The following MTMR10 variants were observed in gnomAD, a reference collection of about 807,000 sequenced individuals.
The protein encoded by MTMR10 is myotubularin-related protein 10.
MTMR10 carries 56 observed loss-of-function variants against 88.1 expected under a neutral mutation model. That is an observed-to-expected ratio of 0.64 (90% confidence interval 0.51 to 0.79). The LOEUF is 0.79. Among genes scored for constraint, MTMR10 ranks in the 30% least tolerant of loss-of-function variants. The probability of loss-of-function intolerance (pLI) is 0.00; values close to 1 mark genes in which losing one functional copy is unlikely to be tolerated. For synonymous variants in MTMR10, 380 were observed against 340.9 expected, an observed-to-expected ratio of 1.11 and a Z score of -1.26; for missense variants, 883 against 924.7, an observed-to-expected ratio of 0.95 and a Z score of 0.58.
At position 30,942,981 on chromosome 15, in the gene MTMR10, T is replaced by C. The variant is rs1224358212; in HGVS notation, c.1640A>G (p.Lys547Arg). The change falls in exon 15 of 16, where the codon AAG (lysine) becomes AGG (arginine). Residue 547 changes from lysine (K) to arginine (R), a missense_variant. Around this residue, in one of 3 missense-constraint regions of MTMR10, gnomAD observed 343 missense variants for 323.2 expected, o/e 1.06. Transcript: ENST00000435680. ...VWDWSLQFTA[K>R]DRTLFHNPFY... is the part of the protein sequence containing the mutation. ...GGGGTTATGGAAAAGGGTGCGATCC[T>C]TTGCTGTAAACTGGAGAGACCAGTC... 5 of 1,554,872 alleles carry C rather than the reference T, an allele frequency of 3.2e-6. No homozygotes were observed. The highest frequency in any genetic ancestry group is 4.4e-6 in the Non-Finnish European group (5 of 1,148,070).
chr15:30,951,110 T>C (rs1257473968), intron 12 of MTMR10, among the ~76,000 whole-genome samples: 5 of 152,262 alleles, frequency 3.3e-5, no homozygotes, highest in Admixed American at 2.6e-4. Flanking sequence ...TTTTAGTCTA[T>C]TGAACTTTAT....
At position 30,940,265 on chromosome 15, in the gene MTMR10, A is replaced by G; in HGVS notation, c.*1205T>C. On this transcript the variant is annotated 3_prime_UTR_variant, in exon 16 of 16. Coordinates refer to ENST00000435680, the MANE Select transcript of MTMR10 (RefSeq NM_017762.3). ...AGTGGTAGGTAGGCTCTTGTCACACAGTTTGGAAATACTTTACTTTAGAGA... is the reference window on the plus strand; with the variant it reads ...AGTGGTAGGTAGGCTCTTGTCACACGGTTTGGAAATACTTTACTTTAGAGA... 3 of 973,846 alleles carry G rather than the reference A, an allele frequency of 3.1e-6. No individual in the cohort carries two copies. The highest frequency in any genetic ancestry group is 1.8e-5 in the African/African-American group (1 of 55,190). The allele number at this position is 973,846 out of a possible 1,614,324, so 60.3% of individuals were successfully genotyped here.
the MTMR10 span, chr15:30,920,494 TATA>T: frequency 1.7e-6 from 2 of 1,149,806 alleles, no homozygotes; most frequent in Non-Finnish European, 2.6e-6. Flanking sequence ...ATTATTGTCT[TATA>T]ATAAATTAAC....
intron 2 of MTMR10, among the ~76,000 whole-genome samples, chr15:30,984,221 G>C (rs143691050): frequency 6.6e-6 from 1 of 152,146 alleles, no homozygotes; most frequent in East Asian, 1.9e-4. Context: ...GTTCATGAAC[G>C]GTGTTGACAA....
At chr15:30,955,481 A>G (rs1238566979) in intron 9 of MTMR10, among the ~76,000 whole-genome samples, 4 of 152,298 alleles carry the variant, frequency 2.6e-5, no homozygotes, top group South Asian at 2.1e-4. Context: ...CATGTTGGCC[A>G]GGCTGGTCTC....
chr15:30,941,815 G>A lies in MTMR10; in HGVS notation c.1989C>T (p.Arg663=). ...HIKLWKLCYF[R]WVPEAQISLG... ...GGCTGATCTGGGCCTCGGGAACCCAGCGGAAGTAGCACAGTTTCCACAGTT... is the reference window on the plus strand; with the variant it reads ...GGCTGATCTGGGCCTCGGGAACCCAACGGAAGTAGCACAGTTTCCACAGTT... Residue 663 remains arginine, a synonymous_variant, in exon 16 of 16, where the codon CGC becomes CGT. Transcript: ENST00000435680. 3 of 1,614,072 alleles carry A rather than the reference G, an allele frequency of 1.9e-6. No homozygotes were observed. Among genetic ancestry groups the A allele is most frequent in the Non-Finnish European group, 2.5e-6 (3 of 1,179,908 alleles).
chr15:30,923,824 T>G, the MTMR10 span, among the ~76,000 whole-genome samples: 2 of 152,250 alleles, frequency 1.3e-5, no homozygotes, highest in African/African-American at 2.4e-5. Context: ...TCTTTCACTT[T>G]TTATGTTTCT....
the MTMR10 span, chr15:30,922,240 C>A: frequency 6.2e-7 from 1 of 1,604,906 alleles, no homozygotes; most frequent in Non-Finnish European, 8.5e-7. Flanking sequence ...AATAGGAAGC[C>A]GTCAGAGAAC....
chr15:30,972,794 T>C (rs1212902166), intron 5 of MTMR10, among the ~76,000 whole-genome samples: 1 of 152,152 alleles, frequency 6.6e-6, no homozygotes, highest in Non-Finnish European at 1.5e-5. Flanking sequence ...GACCAACAAG[T>C]ACTACAGATG....
At chr15:30,920,417 C>CA in the MTMR10 span, 1 of 657,274 alleles carries the variant, frequency 1.5e-6, no homozygotes, top group East Asian at 2.9e-5. Flanking sequence ...GAAAATTGTA[C>CA]ACAACTGAAA....
At chr15:30,963,985 A>ATATGATAGATACCTGTT (rs1491521843) in intron 6 of MTMR10, among the ~76,000 whole-genome samples, 1 of 152,030 alleles carries the variant, frequency 6.6e-6, no homozygotes, top group Non-Finnish European at 1.5e-5. Flanking sequence ...GCAGAAAAAC[A>ATATGATAGATACCTGTT]TATGATAGAT....
At chr15:30,968,628 C>T (rs867100397) in intron 5 of MTMR10, among the ~76,000 whole-genome samples, 2 of 151,208 alleles carry the variant, frequency 1.3e-5, no homozygotes, top group East Asian at 1.9e-4. Flanking sequence ...TGGTGGAAAA[C>T]GTGCGGGCTT....
Position 30,940,117 on chromosome 15 carries a change from T to C in MTMR10, c.*1353A>G. 1 of 985,360 alleles carries C rather than the reference T, an allele frequency of 1.0e-6. No individual in the cohort carries two copies. The highest frequency in any genetic ancestry group is 1.2e-6 in the Non-Finnish European group (1 of 829,860). 61.0% of individuals were successfully genotyped at this position (985,360 alleles called of 1,614,324 possible). Reference sequence around the variant, plus strand: ...TTTACTATAAAAATTTTCCATATCTTAGGATGGCAGTTTAAGAAACAGTCA... The same window carrying C: ...TTTACTATAAAAATTTTCCATATCTCAGGATGGCAGTTTAAGAAACAGTCA... On this transcript the variant is annotated 3_prime_UTR_variant, in exon 16 of 16. Coordinates refer to ENST00000435680, the MANE Select transcript of MTMR10 (RefSeq NM_017762.3).
chr15:30,989,775 T>C (rs12903667), intron 2 of MTMR10, among the ~76,000 whole-genome samples: 88,497 of 151,118 alleles, frequency 0.59, 27,286 homozygotes, highest in African/African-American at 0.77. Context: ...TTAGTAGAGA[T>C]GGGGTTTCAC....
At chr15:30,971,693 T>C (rs2063540162) in intron 5 of MTMR10, among the ~76,000 whole-genome samples, 1 of 152,202 alleles carries the variant, frequency 6.6e-6, no homozygotes, top group South Asian at 2.1e-4. Flanking sequence ...GACAGATATA[T>C]AGATAAATCA....
the MTMR10 span, among the ~76,000 whole-genome samples, chr15:30,929,952 A>C: frequency 8.1e-6 from 1 of 122,888 alleles, no homozygotes; most frequent in Non-Finnish European, 1.6e-5. Flanking sequence ...ATAATATAAT[A>C]TATATCATAT....
chr15:30,955,250 G>A (rs1214830462), intron 9 of MTMR10, among the ~76,000 whole-genome samples: 1 of 152,168 alleles, frequency 6.6e-6, no homozygotes, highest in Non-Finnish European at 1.5e-5. Flanking sequence ...CACGTGCAGT[G>A]CACAGAACAA....
intron 2 of MTMR10, among the ~76,000 whole-genome samples, chr15:30,983,290 C>A (rs1056353397): frequency 3.9e-5 from 6 of 152,312 alleles, no homozygotes; most frequent in Middle Eastern, 3.4e-3. Context: ...AAGCAAAAAC[C>A]TTCTAAATTA....
At chr15:30,986,909 A>G (rs560810064) in intron 2 of MTMR10, among the ~76,000 whole-genome samples, 2 of 152,396 alleles carry the variant, frequency 1.3e-5, no homozygotes, top group Middle Eastern at 3.4e-3. Flanking sequence ...CCACCAGTCC[A>G]GCAGCTAAAC....
Sources: gnomAD v4.1 joint callset for allele counts (sites outside exome capture counted in the v4.1 genomes callset) on GRCh38, gnomAD v4.1.1 for gene constraint, gnomAD v4.1.1 regional missense constraint, MANE v1.5 for transcripts, NCBI Gene and HGNC (gene_info 2026-07-23, HGNC 2026-07-21) for gene names.